SLC8A3: variants seen among roughly 807,000 people sequenced by gnomAD.
The protein encoded by SLC8A3 is sodium/calcium exchanger 3.
A neutral mutation model predicts 65.4 loss-of-function variants in SLC8A3; 37 were observed. That is an observed-to-expected ratio of 0.57 (90% CI 0.44 to 0.74). The LOEUF (loss-of-function observed/expected upper bound fraction) is 0.74. Among genes scored for constraint, SLC8A3 ranks in the 30% least tolerant of loss-of-function variants. The pLI is 0.00. For missense variants in SLC8A3, 1,112 were observed against 1,172.1 expected, an observed-to-expected ratio of 0.95 and a Z score of 0.75; for synonymous variants, 461 against 444.5, an observed-to-expected ratio of 1.04 and a Z score of -0.47.
intron 2 of SLC8A3, among the ~76,000 whole-genome samples, chr14:70,135,683 T>TA: frequency 7.1e-6 from 1 of 141,398 alleles, no homozygotes; most frequent in Non-Finnish European, 1.5e-5. Context: ...ATATGAGAGC[T>TA]ATAAAAAAAA....
intron 2 of SLC8A3, among the ~76,000 whole-genome samples, chr14:70,071,017 C>T (rs575159168): frequency 6.6e-6 from 1 of 152,292 alleles, no homozygotes; most frequent in African/African-American, 2.4e-5. Context: ...GTCAGATTCT[C>T]CCAATGTGTT....
intron 2 of SLC8A3, among the ~76,000 whole-genome samples, chr14:70,079,330 CAAAAAAAAAAA>C (rs11464342): frequency 1.2e-4 from 10 of 80,926 alleles, no homozygotes; most frequent in South Asian, 5.6e-4. Context: ...CTAAAAAATA[CAAAAAAAAAAA>C]AAAAAAAAAA....
chr14:70,130,374 G>A (rs1232349939), intron 2 of SLC8A3, among the ~76,000 whole-genome samples: 1 of 152,200 alleles, frequency 6.6e-6, no homozygotes, highest in Non-Finnish European at 1.5e-5. Flanking sequence ...ATGCTGGGTT[G>A]CCCTGTGTTT....
intron 2 of SLC8A3, among the ~76,000 whole-genome samples, chr14:70,105,505 G>A (rs961455833): frequency 1.3e-5 from 2 of 151,996 alleles, no homozygotes; most frequent in African/African-American, 2.4e-5. Flanking sequence ...GATGACATGG[G>A]CAAACTTCTT....
intron 2 of SLC8A3, among the ~76,000 whole-genome samples, chr14:70,138,338 A>T (rs1325319552): frequency 6.6e-6 from 1 of 152,254 alleles, no homozygotes; most frequent in African/African-American, 2.4e-5. Flanking sequence ...CTAGAAGAGT[A>T]CCTGGCACAT....
At chr14:70,137,806 A>G (rs1358367433) in intron 2 of SLC8A3, among the ~76,000 whole-genome samples, 1 of 56,858 alleles carries the variant, frequency 1.8e-5, no homozygotes, top group Non-Finnish European at 4.3e-5. Context: ...TTTTTTTTCT[A>G]ATTTGGAAAT....
intron 2 of SLC8A3, among the ~76,000 whole-genome samples, chr14:70,146,158 C>G (rs1201614392): frequency 1.3e-5 from 2 of 152,170 alleles, no homozygotes; most frequent in Non-Finnish European, 2.9e-5. Context: ...CCGTAGCCAG[C>G]TCTAACCACT....
At chr14:70,156,587 A>T (rs1394615042) in intron 2 of SLC8A3, among the ~76,000 whole-genome samples, 1 of 152,186 alleles carries the variant, frequency 6.6e-6, no homozygotes, top group Non-Finnish European at 1.5e-5. Context: ...AGTCCTATGC[A>T]ATGGGACATG....
intron 5 of SLC8A3, among the ~76,000 whole-genome samples, chr14:70,050,170 TC>T (rs141041771): frequency 0.035 from 5,394 of 152,212 alleles, 124 homozygotes; most frequent in Admixed American, 0.051. Flanking sequence ...TGGCCTACAT[TC>T]CGTTTATTGT....
In SLC8A3 at chr14:70,051,989, C is replaced by A; in HGVS notation, c.2013+1G>T. ...CAATTAGACCTCACTGTTTGCCTGA[C>A]CTTGAACTCATAGGACTCTTCAATG... On this transcript the variant is annotated splice_donor_variant, in intron 4 of 6. Coordinates refer to ENST00000356921, the MANE Select transcript of SLC8A3 (RefSeq NM_182932.3). LOFTEE classifies it high-confidence loss of function. The A allele has an allele frequency of 6.2e-7, 1 of 1,613,136 alleles. No individual in the cohort carries two copies. The highest frequency in any genetic ancestry group is 8.5e-7 in the Non-Finnish European group (1 of 1,179,498).
Position 70,188,598 on chromosome 14 carries a change from C to G in SLC8A3, c.-282G>C, listed in dbSNP as rs1883551691. 1 of 152,242 alleles carries G rather than the reference C, an allele frequency of 6.6e-6. No homozygotes were observed. Among genetic ancestry groups the G allele is most frequent in the African/African-American group, 2.4e-5 (1 of 41,454 alleles). The allele number at this position is 152,242 out of a possible 1,614,324, so 9.4% of individuals were successfully genotyped here. Reference sequence around the variant, plus strand: ...GTCAGGGAGCTGCGGGGCAGCGCATCTGGAGCGCGGGGTCTGGGAGGGAGG... The same window carrying G: ...GTCAGGGAGCTGCGGGGCAGCGCATGTGGAGCGCGGGGTCTGGGAGGGAGG... On this transcript the variant is annotated 5_prime_UTR_variant, in exon 1 of 7. Coordinates refer to ENST00000356921, the MANE Select transcript of SLC8A3 (RefSeq NM_182932.3).
chr14:70,093,272 G>C (rs1891926976), intron 2 of SLC8A3, among the ~76,000 whole-genome samples: 1 of 152,192 alleles, frequency 6.6e-6, no homozygotes, highest in Non-Finnish European at 1.5e-5. Context: ...GACAAAATGA[G>C]AGAGACCATA....
chr14:70,048,583 AG>A, intron 6 of SLC8A3, 183 bp downstream of exon 6: 1 of 691,604 alleles, frequency 1.4e-6, no homozygotes, highest in Non-Finnish European at 2.6e-6. Flanking sequence ...AAAGTGCTCA[AG>A]AAATATTAGC....
At chr14:70,159,134 T>A (rs1272115196) in intron 2 of SLC8A3, among the ~76,000 whole-genome samples, 1 of 152,104 alleles carries the variant, frequency 6.6e-6, no homozygotes, top group African/African-American at 2.4e-5. Context: ...AGGGGCCAGG[T>A]GCAGTGGTTC....
At chr14:70,154,784 T>C (rs1360689451) in intron 2 of SLC8A3, among the ~76,000 whole-genome samples, 1 of 152,224 alleles carries the variant, frequency 6.6e-6, no homozygotes, top group Non-Finnish European at 1.5e-5. Context: ...AAATGATTTT[T>C]TTCCTTTTAT....
intron 2 of SLC8A3, among the ~76,000 whole-genome samples, chr14:70,130,158 A>G (rs934977088): frequency 8.5e-5 from 13 of 152,244 alleles, no homozygotes; most frequent in African/African-American, 2.7e-4. Context: ...CTGAGATCTG[A>G]AAGATTATCG....
At chr14:70,096,073 G>T (rs1004561987) in intron 2 of SLC8A3, among the ~76,000 whole-genome samples, 3 of 151,998 alleles carry the variant, frequency 2.0e-5, no homozygotes, top group East Asian at 1.9e-4. Flanking sequence ...GTAAAGATGG[G>T]GTTTCACCAT....
At chr14:70,126,962 C>T (rs1894498507) in intron 2 of SLC8A3, among the ~76,000 whole-genome samples, 2 of 152,180 alleles carry the variant, frequency 1.3e-5, no homozygotes, top group Non-Finnish European at 2.9e-5. Context: ...GTAAGGAATA[C>T]TCAACCTATA....
chr14:70,104,894 GA>G (rs150740360), intron 2 of SLC8A3, among the ~76,000 whole-genome samples: 1 of 146,914 alleles, frequency 6.8e-6, no homozygotes, highest in African/African-American at 2.5e-5. Context: ...CAAGAAGCCA[GA>G]AAAAAAAATG....
Sources: allele counts gnomAD v4.1 joint callset (sites outside exome capture counted in the v4.1 genomes callset), GRCh38; gene constraint gnomAD v4.1.1; transcripts MANE v1.5; gene names NCBI Gene and HGNC (gene_info 2026-07-23, HGNC 2026-07-21).